ABCB4: variants seen among roughly 807,000 people sequenced by gnomAD.
ABCB4 encodes the protein phosphatidylcholine translocator ABCB4.
A neutral mutation model predicts 145.7 loss-of-function variants in ABCB4; 76 were observed. The observed-to-expected ratio is 0.52, with a 90% CI of 0.43 to 0.63. ABCB4 has a LOEUF of 0.63. Among genes scored for constraint, ABCB4 ranks in the 30% least tolerant of loss-of-function variants. The pLI, the probability that ABCB4 is intolerant of heterozygous loss-of-function variation, is 0.00. For missense variants in ABCB4, 1,234 were observed against 1,553.1 expected (o/e 0.79, Z 3.45); for synonymous variants, 517 against 566.8 (o/e 0.91, Z 1.25).
intron 12 of ABCB4, among the ~76,000 whole-genome samples, chr7:87,442,335 G>T (rs1164166915): frequency 6.6e-6 from 1 of 151,886 alleles, no homozygotes; most frequent in Non-Finnish European, 1.5e-5. Context: ...ATTAATTCTG[G>T]AGATCTCTGT....
At chr7:87,422,311 A>T in intron 17 of ABCB4, 86 bp from the exon 18 acceptor site, 1 of 1,056,966 alleles carries the variant, frequency 9.5e-7, no homozygotes, top group Admixed American at 1.9e-5. Flanking sequence ...TGAGTGTCAC[A>T]TGTTTAAAAC....
At chr7:87,398,983 A>G, downstream of ABCB4, 1 of 233,810 alleles carries the variant, frequency 4.3e-6, no homozygotes, top group Middle Eastern at 1.5e-3. Flanking sequence ...TGGTACTTAC[A>G]TGGGTTATAA....
the ABCB4 span, among the ~76,000 whole-genome samples, chr7:87,381,568 C>G: frequency 6.6e-6 from 1 of 152,166 alleles, no homozygotes; most frequent in Non-Finnish European, 1.5e-5. Context: ...TCCAGAACAT[C>G]TTCGTGTTGC....
At chr7:87,405,936 G>A in intron 26 of ABCB4, 1 of 359,812 alleles carries the variant, frequency 2.8e-6, no homozygotes, top group Non-Finnish European at 5.3e-6. Context: ...TAAGATCTCT[G>A]TATTCCTTAC....
chr7:87,462,626 C>T, intron 4 of ABCB4, 132 bp downstream of exon 4: 1 of 821,638 alleles, frequency 1.2e-6, no homozygotes, highest in South Asian at 1.6e-5. Flanking sequence ...ACAACTCCTT[C>T]TATGATATCT....
intron 21 of ABCB4, among the ~76,000 whole-genome samples, chr7:87,414,495 C>T (rs1288539416): frequency 1.3e-5 from 2 of 152,180 alleles, no homozygotes; most frequent in Non-Finnish European, 2.9e-5. Context: ...TATATCAAAT[C>T]GCTTTTACCC....
intron 15 of ABCB4, 141 bp downstream of exon 15, chr7:87,431,263 T>G: frequency 3.7e-6 from 4 of 1,093,872 alleles, no homozygotes; most frequent in Non-Finnish European, 5.4e-6. Flanking sequence ...GATTCTGATT[T>G]AAAGTCTCAG....
intron 8 of ABCB4, among the ~76,000 whole-genome samples, chr7:87,449,183 A>C (rs1276847067): frequency 2.0e-5 from 3 of 152,112 alleles, no homozygotes; most frequent in Non-Finnish European, 4.4e-5. Flanking sequence ...CTGGATCATT[A>C]AAGTTGAATG....
Position 87,472,935 on chromosome 7 carries a change from C to T in ABCB4, c.81-260G>A, listed in dbSNP as rs4148810. Among the ~76,000 whole-genome samples, 40,546 of 151,974 alleles carry T rather than the reference C, an allele frequency of 0.27. 6,559 individuals carry two copies. The highest frequency in any genetic ancestry group is 0.46 in the African/African-American group (19,111 of 41,446). ...CACATACACAGGAAAGATAAGTATGCTAACAGTGTCGCTAAGTCAATTAAG... is the reference window on the plus strand; with the variant it reads ...CACATACACAGGAAAGATAAGTATGTTAACAGTGTCGCTAAGTCAATTAAG... On this transcript the variant is annotated intron_variant, in intron 2 of 27. Transcript: ENST00000649586.
intron 15 of ABCB4, among the ~76,000 whole-genome samples, chr7:87,429,410 C>T (rs115356434): frequency 4.6e-3 from 700 of 152,332 alleles, no homozygotes; most frequent in African/African-American, 0.016. Flanking sequence ...TGCCAGACCA[C>T]TGACTGTTCA....
At chr7:87,444,099 A>G (rs1811180807) in intron 10 of ABCB4, among the ~76,000 whole-genome samples, 1 of 152,230 alleles carries the variant, frequency 6.6e-6, no homozygotes, top group Non-Finnish European at 1.5e-5. Context: ...TAACAAAAAT[A>G]TGCTATAATT....
Position 87,411,978 on chromosome 7 carries a change from A to C in ABCB4, c.2839T>G (p.Phe947Val). The change falls in exon 23 of 28, where the codon TTT (phenylalanine) becomes GTT (valine). Residue 947 changes from phenylalanine (F) to valine (V), a missense_variant. This residue lies in a region of ABCB4 where 301 missense variants were observed against 389.0 expected (regional missense o/e 0.77). Transcript: ENST00000649586. ...CAACCGGCATAGGAAAAATACATAA[A>C]TGCTTGTGAGATACTAAAAGTAATT... ...YGITFSISQA[F>V]MYFSYAGCFR... 6.2e-7 allele frequency: 1 copy of C among 1,613,918 alleles called. No homozygotes were observed. The highest frequency in any genetic ancestry group is 1.3e-5 in the African/African-American group (1 of 75,068).
At chr7:87,431,589 A>C in intron 14 of ABCB4, 24 bp from the exon 15 acceptor site, 1 of 1,613,944 alleles carries the variant, frequency 6.2e-7, no homozygotes, top group Non-Finnish European at 8.5e-7. Flanking sequence ...AATGTGGTGC[A>C]TCAGGGTTAC....
intron 17 of ABCB4, among the ~76,000 whole-genome samples, chr7:87,423,289 A>G (rs6957680): frequency 0.07 from 10,725 of 152,212 alleles, 393 homozygotes; most frequent in South Asian, 0.14. Context: ...ATGATTGGCT[A>G]GTATGTTTTC....
At chr7:87,433,482 T>G (rs1197081391) in intron 14 of ABCB4, among the ~76,000 whole-genome samples, 1 of 152,126 alleles carries the variant, frequency 6.6e-6, no homozygotes, top group East Asian at 1.9e-4. Context: ...AATGACTATA[T>G]TATCATGATG....
At chr7:87,391,717 G>A in the ABCB4 span, 5 of 1,599,760 alleles carry the variant, frequency 3.1e-6, no homozygotes, top group South Asian at 4.6e-5. Context: ...GTCAATGTGA[G>A]TATTGGAAAG....
Position 87,406,390 on chromosome 7 carries a change from C to A in ABCB4, c.3384G>T (p.Glu1128Asp), listed in dbSNP as rs1238011402. 6.2e-7 allele frequency: 1 copy of A among 1,613,956 alleles called. No individual in the cohort carries two copies. The highest frequency in any genetic ancestry group is 8.5e-7 in the Non-Finnish European group (1 of 1,180,038). The change falls in exon 26 of 28, where the codon GAG (glutamate) becomes GAT (aspartate). Residue 1128 changes from glutamate to aspartate, a missense_variant. Glu to Asp is a conservative substitution (Grantham distance 45, BLOSUM62 2). Transcript: ENST00000649586. ...EPILFDCSIAENIAYGDNSRV... is the reference protein window; with the variant it reads ...EPILFDCSIADNIAYGDNSRV... Reference sequence around the variant, plus strand: ...GGCTGTTGTCTCCATAGGCAATATTCTCGGCAATGCTGCAGTCAAATAGGA... The same window carrying A: ...GGCTGTTGTCTCCATAGGCAATATTATCGGCAATGCTGCAGTCAAATAGGA...
At position 87,475,590 on chromosome 7, in the gene ABCB4, C is replaced by T. The variant is rs1406826352; in HGVS notation, c.-7+44G>A. ...GCCACTCCCGCCCCGCGCCCCACGT[C>T]CCGGGTCTCCCTTCGAGGCCAGACG... On this transcript the variant is annotated intron_variant, in intron 1 of 27. Transcript: ENST00000649586. 5.2e-6 allele frequency: 5 copies of T among 967,008 alleles called. No homozygotes were observed. The African/African-American group carries it at 8.1e-5, about 16-fold the overall frequency. 59.9% of individuals were successfully genotyped at this position (967,008 alleles called of 1,614,324 possible). A position where few individuals can be genotyped will look rare whatever the true frequency, so the allele number is the denominator to read the frequency against.
chr7:87,451,606 G>T lies in ABCB4; in HGVS notation c.708+17C>A. The T allele has an allele frequency of 6.2e-7, 1 of 1,614,018 alleles. No homozygotes were observed. Among genetic ancestry groups the T allele is most frequent in the Middle Eastern group, 1.6e-4 (1 of 6,062 alleles). ...TGCAGGGGTTAACACACATAAAAAG[G>T]CCCAGCTTTCACATACCTTTGCCCA... On this transcript the variant is annotated intron_variant, in intron 7 of 27. Coordinates refer to ENST00000649586, the MANE Select transcript of ABCB4 (RefSeq NM_000443.4).
Sources: allele counts gnomAD v4.1 joint callset (sites outside exome capture counted in the v4.1 genomes callset), GRCh38; gene constraint gnomAD v4.1.1; regional missense constraint gnomAD v4.1.1; transcripts MANE v1.5; gene names NCBI Gene and HGNC (gene_info 2026-07-23, HGNC 2026-07-21).